The following TPO variants were observed in gnomAD, a reference collection of about 807,000 sequenced individuals.
The protein encoded by TPO is thyroid microsomal antigen.
TPO carries 78 observed loss-of-function variants against 96.9 expected under a neutral mutation model. That is an observed-to-expected ratio of 0.81 (90% CI 0.67 to 0.97). The LOEUF is 0.97. Among genes scored for constraint, TPO ranks in the 50% least tolerant of loss-of-function variants. The pLI, the probability that TPO is intolerant of heterozygous loss-of-function variation, is 0.00. For missense variants in TPO, 1,252 were observed against 1,274.8 expected, an observed-to-expected ratio of 0.98 and a Z score of 0.27; for synonymous variants, 547 against 538.0, an observed-to-expected ratio of 1.02 and a Z score of -0.23.
At chr2:1,539,976 T>G (rs1428835679) in intron 15 of TPO, among the ~76,000 whole-genome samples, 1 of 152,222 alleles carries the variant, frequency 6.6e-6, no homozygotes, top group Non-Finnish European at 1.5e-5. Context: ...GTACTTACAG[T>G]TAAATCCCAC....
intron 15 of TPO, among the ~76,000 whole-genome samples, chr2:1,529,736 A>G (rs1359063920): frequency 6.3e-5 from 2 of 31,692 alleles, no homozygotes; most frequent in Admixed American, 4.3e-4. Context: ...ACTGTGAGCA[A>G]TCTCCTCAAA....
chr2:1,414,285 A>G (rs192516224), intron 1 of TPO, 123 bp from the exon 2 acceptor site: 5 of 928,226 alleles, frequency 5.4e-6, no homozygotes, highest in Non-Finnish European at 8.5e-6. Flanking sequence ...AGGGTCGCTC[A>G]CTGCGGTAGA....
chr2:1,429,493 G>T (rs1664765681), intron 3 of TPO, among the ~76,000 whole-genome samples: 1 of 152,202 alleles, frequency 6.6e-6, no homozygotes, highest in Non-Finnish European at 1.5e-5. Flanking sequence ...AGTGGCTTTG[G>T]AACTGTGTAA....
intron 11 of TPO, 63 bp from the exon 12 acceptor site, chr2:1,495,926 T>G: frequency 6.4e-7 from 1 of 1,550,938 alleles, no homozygotes. Flanking sequence ...CAGCTGGTCT[T>G]GAGTGCCTGC....
At chr2:1,509,648 G>A (rs1673865381) in intron 14 of TPO, among the ~76,000 whole-genome samples, 1 of 151,030 alleles carries the variant, frequency 6.6e-6, no homozygotes, top group Non-Finnish European at 1.5e-5. Context: ...TCTTCTTTCA[G>A]GCACACCCCA....
At chr2:1,506,072 T>C (rs1279534274) in intron 14 of TPO, among the ~76,000 whole-genome samples, 5 of 151,862 alleles carry the variant, frequency 3.3e-5, no homozygotes, top group Non-Finnish European at 7.4e-5. Flanking sequence ...GTGTGTGATG[T>C]TCCCCTTCCT....
At chr2:1,541,261 C>A (rs1024905834) in intron 16 of TPO, 22 of 1,039,744 alleles carry the variant, frequency 2.1e-5, no homozygotes, top group Non-Finnish European at 2.6e-5. Flanking sequence ...GTCACAGGCA[C>A]AAAGTCTCAG....
At chr2:1,437,198 G>A (rs1427764752) in intron 5 of TPO, among the ~76,000 whole-genome samples, 1 of 152,232 alleles carries the variant, frequency 6.6e-6, no homozygotes, top group Admixed American at 6.5e-5. Context: ...GATGCGTTTG[G>A]GCTGAAACGT....
At chr2:1,416,403 T>A (rs1010951684) in intron 2 of TPO, among the ~76,000 whole-genome samples, 13 of 152,384 alleles carry the variant, frequency 8.5e-5, no homozygotes, top group African/African-American at 3.1e-4. Context: ...CAAGTTGTGA[T>A]ACATGAGAGC....
At chr2:1,460,269 G>A (rs988954964) in intron 7 of TPO, among the ~76,000 whole-genome samples, 1 of 152,110 alleles carries the variant, frequency 6.6e-6, no homozygotes, top group East Asian at 1.9e-4. Flanking sequence ...GGACCCCAAA[G>A]TTCTCATCTG....
At chr2:1,429,440 C>T (rs1664762031) in intron 3 of TPO, among the ~76,000 whole-genome samples, 1 of 152,174 alleles carries the variant, frequency 6.6e-6, no homozygotes, top group South Asian at 2.1e-4. Context: ...AAAACTGGTA[C>T]TGAGGAGTAG....
intron 7 of TPO, among the ~76,000 whole-genome samples, chr2:1,471,457 T>C (rs1669408816): frequency 6.6e-6 from 1 of 150,968 alleles, no homozygotes; most frequent in Non-Finnish European, 1.5e-5. Flanking sequence ...CCCACAAATT[T>C]TGATACATGG....
chr2:1,491,967 G>C (rs1052484699), intron 10 of TPO, among the ~76,000 whole-genome samples: 6 of 152,132 alleles, frequency 3.9e-5, no homozygotes, highest in African/African-American at 1.4e-4. Context: ...AGCTTCTCAC[G>C]GGGGCTCGGG....
At chr2:1,438,272 A>G (rs1361135337) in intron 5 of TPO, among the ~76,000 whole-genome samples, 2 of 152,170 alleles carry the variant, frequency 1.3e-5, no homozygotes, top group African/African-American at 4.8e-5. Context: ...AATATAAGAC[A>G]TTGAATTCTG....
chr2:1,415,251 C>T (rs1467502378), intron 2 of TPO, among the ~76,000 whole-genome samples: 1 of 143,810 alleles, frequency 7.0e-6, no homozygotes, highest in African/African-American at 2.6e-5. Flanking sequence ...GGGCAGGTCC[C>T]TGGGCCTCTG....
chr2:1,508,313 C>T (rs1558381673), intron 14 of TPO, among the ~76,000 whole-genome samples: 2 of 152,118 alleles, frequency 1.3e-5, no homozygotes, highest in African/African-American at 4.8e-5. Flanking sequence ...ATTTTTGCAT[C>T]AATGTTCATC....
intron 14 of TPO, among the ~76,000 whole-genome samples, chr2:1,514,117 C>T (rs906743822): frequency 1.3e-5 from 2 of 152,130 alleles, no homozygotes; most frequent in African/African-American, 2.4e-5. Flanking sequence ...GGGGAGCTGG[C>T]GGGGCAGTTC....
At chr2:1,500,911 T>C (rs1672809213) in intron 13 of TPO, among the ~76,000 whole-genome samples, 1 of 150,002 alleles carries the variant, frequency 6.7e-6, no homozygotes, top group South Asian at 2.1e-4. Flanking sequence ...GATGGAGGTT[T>C]CAGTGAGCCG....
intron 4 of TPO, among the ~76,000 whole-genome samples, chr2:1,435,309 T>C (rs901604193): frequency 1.3e-5 from 2 of 152,242 alleles, no homozygotes; most frequent in Non-Finnish European, 2.9e-5. Context: ...GAAGAATCTG[T>C]GCTCAGCTTT....
Sources: gnomAD v4.1 joint callset for allele counts (sites outside exome capture counted in the v4.1 genomes callset) on GRCh38, gnomAD v4.1.1 for gene constraint, MANE v1.5 for transcripts, NCBI Gene and HGNC (gene_info 2026-07-23, HGNC 2026-07-21) for gene names.